NT5DC1: variants seen among roughly 807,000 people sequenced by gnomAD.
NT5DC1 encodes 5'-nucleotidase domain-containing protein 1.
Under a neutral mutation model 59.4 loss-of-function variants are expected in NT5DC1, and 42 were observed. The ratio of observed to expected loss-of-function variants is 0.71; its 90% CI spans 0.55 to 0.92. The LOEUF (loss-of-function observed/expected upper bound fraction) is 0.92, where lower values mean the gene tolerates loss of function less well. Among genes scored for constraint, NT5DC1 ranks in the 40% least tolerant of loss-of-function variants. The probability of loss-of-function intolerance (pLI) is 0.00; values close to 1 mark genes in which losing one functional copy is unlikely to be tolerated. For missense variants in NT5DC1, 501 were observed against 537.1 expected (o/e 0.93, Z 0.66); for synonymous variants, 172 against 188.1 (o/e 0.91, Z 0.70).
At chr6:116,110,993 CTGTT>C (rs1333394644) in intron 4 of NT5DC1, 37 bp downstream of exon 4, 6 of 1,378,788 alleles carry the variant, frequency 4.4e-6, no homozygotes, top group African/African-American at 1.4e-5. Flanking sequence ...CATCCGCTCC[CTGTT>C]TGTTTTGTAC....
At chr6:116,166,477 T>C (rs564395912) in intron 6 of NT5DC1, among the ~76,000 whole-genome samples, 2 of 152,296 alleles carry the variant, frequency 1.3e-5, no homozygotes, top group African/African-American at 4.8e-5. Flanking sequence ...CTTCTGTAAA[T>C]GGTATTGGGA....
chr6:116,120,126 A>G lies in NT5DC1; in HGVS notation c.529+2181A>G, dbSNP rs772699212. The G allele has an allele frequency of 9.3e-6, 15 of 1,613,982 alleles. No individual in the cohort carries two copies. The highest frequency in any genetic ancestry group is 1.0e-5 in the Non-Finnish European group (12 of 1,180,032). The stretch of plus-strand genomic sequence containing the variant: ...AAAGAGGAGTGGACATACTCAGAGG[A>G]GTATAGGCCATTTGACTCGGCATTG... On this transcript the variant is annotated intron_variant, in intron 6 of 11. Transcript: ENST00000319550.
intron 6 of NT5DC1, chr6:116,120,392 A>T: frequency 6.2e-7 from 1 of 1,614,270 alleles, no homozygotes; most frequent in Non-Finnish European, 8.5e-7. Flanking sequence ...CCTGTTATAC[A>T]AAATTTTATC....
At chr6:116,172,163 T>A (rs1022581709) in intron 6 of NT5DC1, among the ~76,000 whole-genome samples, 10 of 152,326 alleles carry the variant, frequency 6.6e-5, no homozygotes, top group African/African-American at 2.4e-4. Context: ...TCCTAAGTGA[T>A]ACAATCTCAT....
At chr6:116,125,243 A>G in intron 6 of NT5DC1, 1 of 1,409,116 alleles carries the variant, frequency 7.1e-7, no homozygotes, top group Non-Finnish European at 9.8e-7. Context: ...TTGGAAAGTA[A>G]CACCAAAGTT....
intron 6 of NT5DC1, among the ~76,000 whole-genome samples, chr6:116,139,765 T>G (rs888458827): frequency 2.0e-5 from 3 of 152,160 alleles, no homozygotes; most frequent in African/African-American, 7.2e-5. Flanking sequence ...GTTTTTTGCT[T>G]AAAAGGCATT....
intron 6 of NT5DC1, among the ~76,000 whole-genome samples, chr6:116,146,216 C>T (rs2114381802): frequency 6.6e-6 from 1 of 152,210 alleles, no homozygotes; most frequent in South Asian, 2.1e-4. Flanking sequence ...ATATAGATAA[C>T]CTGAGATTTA....
chr6:116,168,198 CCTTTTCT>C (rs1445777361), intron 6 of NT5DC1, among the ~76,000 whole-genome samples: 2 of 150,532 alleles, frequency 1.3e-5, no homozygotes, highest in African/African-American at 4.9e-5. Flanking sequence ...TTGTTCTGCT[CCTTTTCT>C]CTTTTCTCTC....
intron 4 of NT5DC1, among the ~76,000 whole-genome samples, chr6:116,113,664 T>G (rs1442901498): frequency 6.6e-6 from 1 of 152,192 alleles, no homozygotes; most frequent in East Asian, 1.9e-4. Context: ...CTTAGCCTCT[T>G]GCATTGTGGG....
rs73774213 is a variant in NT5DC1, at chr6:116,174,442, A to T, written c.530-46612A>T. ...CCTGAAGGAAAAGACGATATGCATG[A>T]TTAATGAAATAACCAACTTAAATTA... On this transcript the variant is annotated intron_variant, in intron 6 of 11. Transcript: ENST00000319550. Among the ~76,000 whole-genome samples the T allele has an allele frequency of 5.7e-3, 866 of 152,346 alleles. 17 individuals carry two copies. The highest frequency in any genetic ancestry group is 0.046 in the South Asian group (223 of 4,830).
chr6:116,126,427 A>G (rs1310882820), intron 6 of NT5DC1, among the ~76,000 whole-genome samples: 1 of 151,842 alleles, frequency 6.6e-6, no homozygotes, highest in African/African-American at 2.4e-5. Context: ...GAATGATGAT[A>G]CCCCCTTTTT....
intron 7 of NT5DC1, among the ~76,000 whole-genome samples, chr6:116,221,856 C>G (rs1012931656): frequency 6.6e-6 from 1 of 152,102 alleles, no homozygotes; most frequent in African/African-American, 2.4e-5. Context: ...TAGCATAATA[C>G]AGGTAGAGAA....
intron 6 of NT5DC1, chr6:116,120,067 G>GGGA (rs1554192883): frequency 6.8e-7 from 1 of 1,461,454 alleles, no homozygotes; most frequent in Non-Finnish European, 9.0e-7. Flanking sequence ...TTAGCTCTGT[G>GGGA]TGTACTCACA....
At chr6:116,202,970 T>C (rs1277563569) in intron 6 of NT5DC1, among the ~76,000 whole-genome samples, 2 of 151,974 alleles carry the variant, frequency 1.3e-5, no homozygotes, top group African/African-American at 4.8e-5. Context: ...TAATAAACTT[T>C]TACTTTTCCA....
chr6:116,120,856 G>A lies in NT5DC1; in HGVS notation c.529+2911G>A, dbSNP rs1779097025. On this transcript the variant is annotated intron_variant, in intron 6 of 11. Coordinates refer to ENST00000319550, the MANE Select transcript of NT5DC1 (RefSeq NM_152729.3). ...CTCCTGCTGGGCCCACAGGGCCTGG[G>A]AGACCAGGAGGTCCTCCAACTCCAG... is the stretch of plus-strand genomic sequence containing the variant. 6.2e-7 allele frequency: 1 copy of A among 1,613,986 alleles called. No individual in the cohort carries two copies. Among genetic ancestry groups the A allele is most frequent in the Non-Finnish European group, 8.5e-7 (1 of 1,179,940 alleles).
At chr6:116,153,984 A>G (rs1342991627) in intron 6 of NT5DC1, among the ~76,000 whole-genome samples, 1 of 151,172 alleles carries the variant, frequency 6.6e-6, no homozygotes, top group African/African-American at 2.4e-5. Flanking sequence ...TGCATGGTTC[A>G]TCTTTGAAAA....
At chr6:116,241,851 G>A (rs1267995653) in intron 11 of NT5DC1, among the ~76,000 whole-genome samples, 13 of 147,260 alleles carry the variant, frequency 8.8e-5, no homozygotes, top group Non-Finnish European at 4.5e-5. Flanking sequence ...TGAACCCGGG[G>A]GGCGGAGCTT....
At chr6:116,170,531 A>T (rs1186034912) in intron 6 of NT5DC1, among the ~76,000 whole-genome samples, 1 of 152,228 alleles carries the variant, frequency 6.6e-6, no homozygotes, top group Non-Finnish European at 1.5e-5. Context: ...AAGTGTACGT[A>T]AAGTACCTGA....
chr6:116,181,624 A>G (rs556831376), intron 6 of NT5DC1, among the ~76,000 whole-genome samples: 4 of 152,248 alleles, frequency 2.6e-5, no homozygotes, highest in Admixed American at 2.6e-4. Context: ...CATTAAAATC[A>G]GTTGTATATC....
Sources: allele counts gnomAD v4.1 joint callset (sites outside exome capture counted in the v4.1 genomes callset), GRCh38; gene constraint gnomAD v4.1.1; transcripts MANE v1.5; gene names NCBI Gene and HGNC (gene_info 2026-07-23, HGNC 2026-07-21).